The following CTNNA2 variants were observed in gnomAD, a reference collection of about 807,000 sequenced individuals.
CTNNA2 encodes the protein catenin alpha-2.
In CTNNA2, 42 loss-of-function variants were observed where a neutral mutation model predicts 101.0. That is an observed-to-expected ratio of 0.42 (90% CI 0.32 to 0.54). The LOEUF (loss-of-function observed/expected upper bound fraction) is 0.54. Ranked by LOEUF, CTNNA2 falls within the 20% of genes least tolerant of loss-of-function variation. The pLI, the probability that CTNNA2 is intolerant of heterozygous loss-of-function variation, is 0.14. For synonymous variants in CTNNA2, 450 were observed against 456.4 expected (o/e 0.99, Z 0.18); for missense variants, 871 against 1,223.1 (o/e 0.71, Z 4.29).
At chr2:79,556,093 T>C (rs990031052) in intron 1 of CTNNA2, among the ~76,000 whole-genome samples, 2 of 152,128 alleles carry the variant, frequency 1.3e-5, no homozygotes, top group African/African-American at 2.4e-5. Context: ...TTGAGTAATA[T>C]ATCCTCCTCC....
intron 3 of CTNNA2, among the ~76,000 whole-genome samples, chr2:79,765,009 G>C (rs1673042992): frequency 6.6e-6 from 1 of 152,168 alleles, no homozygotes; most frequent in Non-Finnish European, 1.5e-5. Flanking sequence ...GTAGGGTTCA[G>C]AGGGAAAAAA....
chr2:79,700,429 C>G (rs1007474235), intron 2 of CTNNA2, among the ~76,000 whole-genome samples: 11 of 152,032 alleles, frequency 7.2e-5, no homozygotes, highest in African/African-American at 2.7e-4. Context: ...CCAAGAGAGT[C>G]AGGCTTCAGT....
chr2:79,317,432 G>A (rs902211802), intron 3 of CTNNA2, among the ~76,000 whole-genome samples: 2 of 151,884 alleles, frequency 1.3e-5, no homozygotes, highest in African/African-American at 4.8e-5. Flanking sequence ...GATTGGGTTG[G>A]GTTATTTGAT....
At chr2:79,246,669 T>C (rs1055526659) in intron 2 of CTNNA2, among the ~76,000 whole-genome samples, 3 of 152,250 alleles carry the variant, frequency 2.0e-5, no homozygotes, top group African/African-American at 7.2e-5. Flanking sequence ...CAGGTTTACA[T>C]ATCAGCATTC....
At chr2:80,599,212 C>A (rs1697250367) in intron 15 of CTNNA2, among the ~76,000 whole-genome samples, 1 of 152,044 alleles carries the variant, frequency 6.6e-6, no homozygotes, top group Non-Finnish European at 1.5e-5. Context: ...CCACACTAGC[C>A]ATATTTTAAG....
At chr2:79,234,238 C>T (rs992408727) in intron 2 of CTNNA2, among the ~76,000 whole-genome samples, 2 of 151,914 alleles carry the variant, frequency 1.3e-5, no homozygotes, top group African/African-American at 4.8e-5. Flanking sequence ...CTGTTAATAA[C>T]ATATCCCTTA....
At chr2:80,137,287 G>A (rs1298172758) in intron 7 of CTNNA2, among the ~76,000 whole-genome samples, 1 of 152,082 alleles carries the variant, frequency 6.6e-6, no homozygotes, top group Non-Finnish European at 1.5e-5. Context: ...GGGGCTGCTA[G>A]GAAGGAAGTT....
At chr2:79,592,867 A>G (rs1401699831) in intron 1 of CTNNA2, among the ~76,000 whole-genome samples, 6 of 152,182 alleles carry the variant, frequency 3.9e-5, no homozygotes, top group Admixed American at 3.9e-4. Context: ...TGCAAGAAGA[A>G]CTGACACCTC....
At chr2:79,846,710 A>G (rs951919614) in intron 3 of CTNNA2, among the ~76,000 whole-genome samples, 1 of 152,212 alleles carries the variant, frequency 6.6e-6, no homozygotes, top group Non-Finnish European at 1.5e-5. Context: ...CCCTTAGTTG[A>G]TTATTTGAGC....
At chr2:79,997,372 A>G (rs1692630597) in intron 7 of CTNNA2, among the ~76,000 whole-genome samples, 1 of 152,058 alleles carries the variant, frequency 6.6e-6, no homozygotes, top group South Asian at 2.1e-4. Flanking sequence ...AAAAAAGAAA[A>G]GAAGAAAAAG....
chr2:80,628,697 G>A (rs1313160618), intron 18 of CTNNA2, among the ~76,000 whole-genome samples: 1 of 151,990 alleles, frequency 6.6e-6, no homozygotes, highest in Admixed American at 6.6e-5. Flanking sequence ...AATTAAGATA[G>A]GTAACTCCTG....
chr2:80,591,834 G>A (rs124771), intron 15 of CTNNA2, among the ~76,000 whole-genome samples: 150,499 of 152,230 alleles, frequency 0.99, 74,401 homozygotes, highest in Middle Eastern at 1. Flanking sequence ...TTAAAATTGG[G>A]AGGGTTCTGC....
intron 7 of CTNNA2, among the ~76,000 whole-genome samples, chr2:80,345,517 A>C (rs1297426172): frequency 1.3e-5 from 2 of 152,078 alleles, no homozygotes; most frequent in Admixed American, 1.3e-4. Context: ...CTGGTGTGCT[A>C]TCTATTTTAC....
chr2:79,443,396 C>T (rs1407339829), intron 4 of CTNNA2, among the ~76,000 whole-genome samples: 1 of 152,090 alleles, frequency 6.6e-6, no homozygotes, highest in African/African-American at 2.4e-5. Context: ...TGCCCTTCCT[C>T]CACTTTTTTT....
chr2:79,507,774 A>C (rs990552736), intron 5 of CTNNA2, among the ~76,000 whole-genome samples: 1 of 152,154 alleles, frequency 6.6e-6, no homozygotes, highest in Non-Finnish European at 1.5e-5. Flanking sequence ...TCTAGCCACG[A>C]GATATATTTT....
At chr2:80,534,716 C>G (rs1355176220) in intron 9 of CTNNA2, among the ~76,000 whole-genome samples, 2 of 152,132 alleles carry the variant, frequency 1.3e-5, no homozygotes, top group Non-Finnish European at 2.9e-5. Flanking sequence ...ATATGGGATG[C>G]AATGCTGGTA....
At chr2:80,060,191 G>A (rs924358720) in intron 7 of CTNNA2, among the ~76,000 whole-genome samples, 3 of 152,100 alleles carry the variant, frequency 2.0e-5, no homozygotes, top group Admixed American at 6.5e-5. Context: ...CCTCCCATAG[G>A]TTCACTGAAC....
At chr2:80,319,314 T>TTG (rs1678452396) in intron 7 of CTNNA2, among the ~76,000 whole-genome samples, 1 of 152,134 alleles carries the variant, frequency 6.6e-6, no homozygotes, top group East Asian at 1.9e-4. Context: ...CCAGTTTTTT[T>TTG]TTGTTGTTGT....
chr2:80,229,248 T>C (rs1310683578), intron 7 of CTNNA2, among the ~76,000 whole-genome samples: 1 of 152,180 alleles, frequency 6.6e-6, no homozygotes, highest in Non-Finnish European at 1.5e-5. Context: ...GCAATTAAAC[T>C]CAATTCTGGT....
Sources: gnomAD v4.1 joint callset for allele counts (sites outside exome capture counted in the v4.1 genomes callset) on GRCh38, gnomAD v4.1.1 for gene constraint, MANE v1.5 for transcripts, NCBI Gene and HGNC (gene_info 2026-07-23, HGNC 2026-07-21) for gene names.